IL34: variants seen among roughly 807,000 people sequenced by gnomAD.
IL34 encodes interleukin-34.
A neutral mutation model predicts 25.3 loss-of-function variants in IL34; 17 were observed. The ratio of observed to expected loss-of-function variants is 0.67; its 90% CI spans 0.46 to 1.01. IL34 has a LOEUF of 1.01. Among genes scored for constraint, IL34 ranks in the 50% least tolerant of loss-of-function variants. The pLI is 0.00. For synonymous variants in IL34, 174 were observed against 140.9 expected (o/e 1.23, Z -1.66); for missense variants, 368 against 312.9 (o/e 1.18, Z -1.33).
chr16:70,635,344 C>T (rs913532087), intron 1 of IL34, among the ~76,000 whole-genome samples: 1 of 152,186 alleles, frequency 6.6e-6, no homozygotes, highest in African/African-American at 2.4e-5. Flanking sequence ...AGCTAAACAC[C>T]CTCCAGCTGC....
chr16:70,586,796 C>T (rs113046460), intron 1 of IL34, among the ~76,000 whole-genome samples: 1,784 of 152,250 alleles, frequency 0.012, 42 homozygotes, highest in African/African-American at 0.04. Flanking sequence ...ATGAAGAAAT[C>T]GAGGTACAGG....
chr16:70,653,544 C>T (rs776067723), intron 1 of IL34, among the ~76,000 whole-genome samples: 1 of 151,934 alleles, frequency 6.6e-6, no homozygotes, highest in Non-Finnish European at 1.5e-5. Flanking sequence ...ACAAAAAATA[C>T]AAAAATTAGC....
At chr16:70,615,573 A>G (rs569775061) in intron 1 of IL34, among the ~76,000 whole-genome samples, 5 of 152,308 alleles carry the variant, frequency 3.3e-5, no homozygotes, top group African/African-American at 7.2e-5. Flanking sequence ...TGAGTTGCCA[A>G]TCTTTCACGC....
chr16:70,658,220 T>A (rs2052285662), intron 4 of IL34, among the ~76,000 whole-genome samples: 1 of 152,254 alleles, frequency 6.6e-6, no homozygotes, highest in Non-Finnish European at 1.5e-5. Flanking sequence ...AGCACCTGTT[T>A]TGCAGCTGCC....
chr16:70,650,930 G>T (rs891668818), intron 1 of IL34, among the ~76,000 whole-genome samples: 2 of 152,212 alleles, frequency 1.3e-5, no homozygotes, highest in Non-Finnish European at 2.9e-5. Context: ...CTGCGTTATG[G>T]ATTCACACAC....
intron 1 of IL34, among the ~76,000 whole-genome samples, chr16:70,607,746 T>C (rs112963840): frequency 5.7e-4 from 87 of 151,580 alleles, no homozygotes; most frequent in African/African-American, 1.9e-3. Context: ...ACCATGTGGT[T>C]TTTCTTTTTT....
At chr16:70,613,904 C>T (rs1421181344) in intron 1 of IL34, among the ~76,000 whole-genome samples, 1 of 150,396 alleles carries the variant, frequency 6.6e-6, no homozygotes, top group South Asian at 2.1e-4. Context: ...AATGCAGAGT[C>T]CAGCCAGGCA....
At chr16:70,606,877 C>T (rs946120140) in intron 1 of IL34, among the ~76,000 whole-genome samples, 3 of 152,134 alleles carry the variant, frequency 2.0e-5, no homozygotes, top group South Asian at 2.1e-4. Flanking sequence ...TGTAAGCCAT[C>T]GTGCCCAGAC....
At chr16:70,615,785 C>A (rs1316555840) in intron 1 of IL34, among the ~76,000 whole-genome samples, 1 of 152,138 alleles carries the variant, frequency 6.6e-6, no homozygotes, top group Admixed American at 6.5e-5. Context: ...AATCCCATCT[C>A]TACCAAAAAT....
chr16:70,644,152 T>G (rs1026883595), upstream of IL34, among the ~76,000 whole-genome samples: 4 of 152,110 alleles, frequency 2.6e-5, no homozygotes, highest in African/African-American at 9.7e-5. Flanking sequence ...TTTTTGTATT[T>G]TTAGTAGAGA....
intron 1 of IL34, among the ~76,000 whole-genome samples, chr16:70,621,443 A>G (rs192180838): frequency 6.6e-6 from 1 of 151,198 alleles, no homozygotes; most frequent in African/African-American, 2.4e-5. Context: ...AGGTTGGAGA[A>G]GAGTAAGAAG....
At chr16:70,634,948 C>G (rs992118145) in intron 1 of IL34, among the ~76,000 whole-genome samples, 3 of 152,194 alleles carry the variant, frequency 2.0e-5, no homozygotes, top group Admixed American at 6.5e-5. Flanking sequence ...ATTCCACTGT[C>G]TGATTATGGC....
intron 1 of IL34, among the ~76,000 whole-genome samples, chr16:70,615,128 G>T (rs993353322): frequency 6.6e-6 from 1 of 152,154 alleles, no homozygotes; most frequent in Non-Finnish European, 1.5e-5. Flanking sequence ...TGGACTTACG[G>T]TGTATGCATT....
rs759399789 is a variant in IL34, at chr16:70,660,214, G to A, written c.*27G>A. The stretch of plus-strand genomic sequence containing the variant: ...CACCCTGGATGGTGACTGCGGATAG[G>A]GGCAGCCAGACCAGCTCCCACAGGA... On this transcript the variant is annotated 3_prime_UTR_variant, in exon 6 of 6. Coordinates refer to ENST00000288098, the MANE Select transcript of IL34 (RefSeq NM_001393494.1). 4.4e-5 allele frequency: 67 copies of A among 1,531,404 alleles called. No individual in the cohort carries two copies. Among genetic ancestry groups the A allele is most frequent in the Non-Finnish European group, 5.9e-5 (67 of 1,141,690 alleles). 94.9% of individuals were successfully genotyped at this position (1,531,404 alleles called of 1,614,324 possible).
intron 1 of IL34, among the ~76,000 whole-genome samples, chr16:70,626,409 T>G (rs1017436500): frequency 5.9e-5 from 9 of 152,228 alleles, no homozygotes; most frequent in Non-Finnish European, 1.0e-4. Context: ...TGTTTTTGTT[T>G]TTTTGAATCA....
At chr16:70,596,213 G>C (rs2034176414) in intron 1 of IL34, among the ~76,000 whole-genome samples, 2 of 152,036 alleles carry the variant, frequency 1.3e-5, no homozygotes, top group Non-Finnish European at 1.5e-5. Flanking sequence ...TTTTATAAGG[G>C]CACTAAATCC....
intron 1 of IL34, among the ~76,000 whole-genome samples, chr16:70,653,399 T>C (rs1434330939): frequency 6.6e-6 from 1 of 150,776 alleles, no homozygotes; most frequent in Non-Finnish European, 1.5e-5. Flanking sequence ...ACAAAAACTT[T>C]TTCATTTGAA....
intron 1 of IL34, among the ~76,000 whole-genome samples, chr16:70,626,817 C>CT (rs1442668165): frequency 6.6e-6 from 1 of 152,058 alleles, no homozygotes; most frequent in Non-Finnish European, 1.5e-5. Flanking sequence ...TTCCAGATGA[C>CT]TTTTTTCAGC....
At chr16:70,593,580 T>C (rs554526423) in intron 1 of IL34, among the ~76,000 whole-genome samples, 1 of 152,286 alleles carries the variant, frequency 6.6e-6, no homozygotes, top group Non-Finnish European at 1.5e-5. Flanking sequence ...TGCAGTGGCA[T>C]GATTGTGGCT....
Sources: gnomAD v4.1 joint callset for allele counts (sites outside exome capture counted in the v4.1 genomes callset) on GRCh38, gnomAD v4.1.1 for gene constraint, MANE v1.5 for transcripts, NCBI Gene and HGNC (gene_info 2026-07-23, HGNC 2026-07-21) for gene names.